DNASE1: variants seen among roughly 807,000 people sequenced by gnomAD.
The protein encoded by DNASE1 is deoxyribonuclease-1.
DNASE1 carries 40 observed loss-of-function variants against 33.9 expected under a neutral mutation model. The observed-to-expected ratio is 1.18, with a 90% CI of 0.92 to 1.54. The LOEUF is 1.54. Among genes scored for constraint, DNASE1 ranks in the 40% most tolerant of loss-of-function variants. The pLI is 0.00. For synonymous variants in DNASE1, 216 were observed against 160.0 expected (o/e 1.35, Z -2.64); for missense variants, 518 against 372.6 (o/e 1.39, Z -3.21).
intron 1 of DNASE1, among the ~76,000 whole-genome samples, chr16:3,615,406 G>T (rs1375087495): frequency 6.6e-6 from 1 of 152,186 alleles, no homozygotes; most frequent in Non-Finnish European, 1.5e-5. Context: ...TCCAGCAGAA[G>T]CCCTGGGGTT....
In DNASE1 at chr16:3,657,930, C is replaced by G. The variant is rs1219622466; in HGVS notation, c.826C>G (p.Pro276Ala). The change falls in exon 9 of 9, where the codon CCA becomes GCA. Residue 276 changes from proline (P) to alanine (A), a missense_variant. By Grantham distance (27) the Pro-to-Ala change is conservative (BLOSUM62 -1). Transcript: ENST00000246949. ...QLAQAISDHYPVEVMLK is the reference protein window; with the variant it reads ...QLAQAISDHYAVEVMLK ...GGCCCAAGCCATCAGTGACCACTAT[C>G]CAGTGGAGGTGATGCTGAAGTGAGC... 2 of 1,613,194 alleles carry G rather than the reference C, an allele frequency of 1.2e-6. No homozygotes were observed. The highest frequency in any genetic ancestry group is 1.6e-4 in the Middle Eastern group (1 of 6,062).
downstream of DNASE1, chr16:3,658,096 T>C (rs776252604): frequency 5.0e-6 from 8 of 1,610,554 alleles, no homozygotes; most frequent in South Asian, 7.7e-5. Context: ...GGGGCTGTCA[T>C]CTGTGGTGTC....
chr16:3,614,666 T>G (rs1209991699), intron 1 of DNASE1, among the ~76,000 whole-genome samples: 1 of 152,214 alleles, frequency 6.6e-6, no homozygotes, highest in African/African-American at 2.4e-5. Flanking sequence ...GAGGCTGACT[T>G]GCCTGTGAGA....
At chr16:3,624,559 C>T (rs1156390637) in intron 1 of DNASE1, among the ~76,000 whole-genome samples, 1 of 152,204 alleles carries the variant, frequency 6.6e-6, no homozygotes, top group African/African-American at 2.4e-5. Context: ...GTGTACTATA[C>T]CTGGAGCAGT....
At chr16:3,638,196 A>G (rs535586753), upstream of DNASE1, among the ~76,000 whole-genome samples, 1 of 151,910 alleles carries the variant, frequency 6.6e-6, no homozygotes, top group Non-Finnish European at 1.5e-5. Context: ...CAGCAGAAGT[A>G]TCATGTCATT....
At chr16:3,640,682 G>C (rs139699159), upstream of DNASE1, 4 of 398,592 alleles carry the variant, frequency 1.0e-5, no homozygotes, top group African/African-American at 4.1e-5. Flanking sequence ...GAGCTGATGG[G>C]CATGAGTAAC....
intron 1 of DNASE1, among the ~76,000 whole-genome samples, chr16:3,615,907 A>T (rs1187642082): frequency 1.3e-5 from 2 of 152,224 alleles, no homozygotes; most frequent in Non-Finnish European, 2.9e-5. Flanking sequence ...TTTGATTATA[A>T]ATGGTAAAGC....
At chr16:3,641,415 C>T (rs73505444), upstream of DNASE1, among the ~76,000 whole-genome samples, 326 of 152,326 alleles carry the variant, frequency 2.1e-3, no homozygotes, top group African/African-American at 7.3e-3. Context: ...TGTCTGCCCC[C>T]GCTCAAGGGC....
rs981088356 is a variant in DNASE1, at chr16:3,654,844, T to G, written c.-202T>G. On this transcript the variant is annotated 5_prime_UTR_variant, in exon 1 of 9. An upstream open reading frame in the 5' UTR loses its in-frame stop. Transcript: ENST00000246949. ...GGAAGGTCACAGCTGCCTGAACTTT[T>G]AAAACTCCCAGACACGCACTGCCTG... The G allele has an allele frequency of 2.5e-6, 1 of 405,362 alleles. No homozygotes were observed. Among genetic ancestry groups the G allele is most frequent in the African/African-American group, 2.1e-5 (1 of 48,664 alleles). The allele number at this position is 405,362 out of a possible 1,614,324, so 25.1% of individuals were successfully genotyped here.
chr16:3,657,011 T>C lies in DNASE1; in HGVS notation c.449T>C (p.Phe150Ser), dbSNP rs916693567. 10 of 1,613,474 alleles carry C rather than the reference T, an allele frequency of 6.2e-6. No homozygotes were observed. In the Admixed American group the frequency reaches 8.3e-5, roughly 13 times the overall value. ...FFSRFTEVRE[F>S]AIVPLHAAPG... ...GCTGTCTCCACAGAGGTCAGGGAGT[T>C]TGCCATTGTTCCCCTGCATGCGGCC... The change falls in exon 6 of 9, where the codon TTT becomes TCT. Residue 150 changes from phenylalanine (F) to serine (S), a missense_variant. By Grantham distance (155) the Phe-to-Ser change is radical (BLOSUM62 -2). Transcript: ENST00000246949.
chr16:3,638,140 T>TG (rs58933168), upstream of DNASE1, among the ~76,000 whole-genome samples: 28 of 150,752 alleles, frequency 1.9e-4, no homozygotes, highest in South Asian at 4.2e-4. Flanking sequence ...TGTGTGTGTG[T>TG]TTTTCCCAGT....
At chr16:3,637,702 C>A (rs534705439) in intron 1 of DNASE1, among the ~76,000 whole-genome samples, 1 of 152,244 alleles carries the variant, frequency 6.6e-6, no homozygotes, top group African/African-American at 2.4e-5. Context: ...GGCTGCTTTC[C>A]CCCTCCCCCG....
intron 1 of DNASE1, among the ~76,000 whole-genome samples, chr16:3,625,894 G>A (rs1415878538): frequency 1.3e-5 from 2 of 152,232 alleles, no homozygotes; most frequent in African/African-American, 2.4e-5. Flanking sequence ...TAGCCCAGGA[G>A]TTTGAGATCA....
chr16:3,623,001 C>T (rs774919066), intron 1 of DNASE1, among the ~76,000 whole-genome samples: 3 of 152,074 alleles, frequency 2.0e-5, no homozygotes, highest in South Asian at 2.1e-4. Context: ...AGACCAGCCT[C>T]GGCAACATAG....
At chr16:3,636,922 G>A (rs532175686) in intron 1 of DNASE1, among the ~76,000 whole-genome samples, 23 of 151,500 alleles carry the variant, frequency 1.5e-4, no homozygotes, top group Admixed American at 1.1e-3. Flanking sequence ...TCAGGAGTTC[G>A]AGACCAGCCT....
intron 1 of DNASE1, among the ~76,000 whole-genome samples, chr16:3,636,219 A>C (rs1351519044): frequency 1.3e-5 from 2 of 150,992 alleles, no homozygotes; most frequent in African/African-American, 2.5e-5. Context: ...TAATCGATGA[A>C]TCCATCAAAG....
At chr16:3,644,074 G>T (rs950913476) in intron 1 of DNASE1, among the ~76,000 whole-genome samples, 1 of 152,202 alleles carries the variant, frequency 6.6e-6, no homozygotes, top group African/African-American at 2.4e-5. Flanking sequence ...GAGATAAGAT[G>T]ATGGATTGTT....
chr16:3,639,132 G>A (rs990523168), upstream of DNASE1, among the ~76,000 whole-genome samples: 3 of 152,196 alleles, frequency 2.0e-5, no homozygotes, highest in African/African-American at 7.2e-5. Context: ...TGTTATAGCA[G>A]TTATCAGTTT....
Position 3,658,093 on chromosome 16 carries a change from T to G in DNASE1, c.*140T>G, listed in dbSNP as rs1198832406. 6.2e-7 allele frequency: 1 copy of G among 1,609,910 alleles called. No homozygotes were observed. The highest frequency in any genetic ancestry group is 1.7e-5 in the Admixed American group (1 of 59,946). On this transcript the variant is annotated 3_prime_UTR_variant, in exon 9 of 9. Coordinates refer to ENST00000246949, the MANE Select transcript of DNASE1 (RefSeq NM_005223.4). ...AATAAAGCTCAAGGAGGTGGGGCTG[T>G]CATCTGTGGTGTCAGTCCTTCTGGC...
Sources: gnomAD v4.1 joint callset for allele counts (sites outside exome capture counted in the v4.1 genomes callset) on GRCh38, gnomAD v4.1.1 for gene constraint, MANE v1.5 for transcripts, NCBI Gene and HGNC (gene_info 2026-07-23, HGNC 2026-07-21) for gene names.